The following RELN variants were observed in gnomAD, a reference collection of about 807,000 sequenced individuals.
The protein encoded by RELN is reelin.
RELN carries 108 observed loss-of-function variants against 427.6 expected under a neutral mutation model. The observed-to-expected ratio is 0.25, with a 90% CI of 0.22 to 0.30. The LOEUF is 0.30. RELN is among the 10% of genes least tolerant of loss of function. The probability of loss-of-function intolerance (pLI) is 1.00; values close to 1 mark genes in which losing one functional copy is unlikely to be tolerated. For synonymous variants in RELN, 1,524 were observed against 1,513.4 expected (o/e 1.01, Z -0.16); for missense variants, 3,715 against 4,302.8 (o/e 0.86, Z 3.82).
chr7:103,715,859 A>T (rs185189682), intron 8 of RELN, among the ~76,000 whole-genome samples: 1 of 152,310 alleles, frequency 6.6e-6, no homozygotes, highest in East Asian at 1.9e-4. Context: ...AAGGAAGAGA[A>T]ATGTGTCTGG....
intron 64 of RELN, among the ~76,000 whole-genome samples, chr7:103,476,948 T>G (rs1340536206): frequency 2.0e-5 from 3 of 152,218 alleles, no homozygotes; most frequent in African/African-American, 7.2e-5. Flanking sequence ...TTAAGTTCAA[T>G]AAAAGGAGGT....
intron 6 of RELN, among the ~76,000 whole-genome samples, chr7:103,747,420 A>C (rs1416378879): frequency 9.6e-6 from 1 of 103,998 alleles, no homozygotes; most frequent in African/African-American, 4.1e-5. Context: ...TAATAATAAT[A>C]AAATTAAAAA....
At chr7:103,869,774 T>A (rs1235138101) in intron 2 of RELN, among the ~76,000 whole-genome samples, 2 of 152,202 alleles carry the variant, frequency 1.3e-5, no homozygotes, top group African/African-American at 4.8e-5. Flanking sequence ...TTCTTGAATT[T>A]GCAAATTAAT....
At chr7:103,817,110 C>T (rs1281220235) in intron 3 of RELN, among the ~76,000 whole-genome samples, 1 of 152,144 alleles carries the variant, frequency 6.6e-6, no homozygotes, top group Non-Finnish European at 1.5e-5. Context: ...CTTTGGCCTC[C>T]CAAAGTGCTG....
At chr7:103,954,879 T>C (rs1315998850) in intron 1 of RELN, among the ~76,000 whole-genome samples, 2 of 152,332 alleles carry the variant, frequency 1.3e-5, no homozygotes, top group African/African-American at 4.8e-5. Context: ...GTGCTAATTT[T>C]TAAAAAACAG....
chr7:103,900,937 G>T (rs73403931), intron 2 of RELN, among the ~76,000 whole-genome samples: 1 of 151,428 alleles, frequency 6.6e-6, no homozygotes, highest in East Asian at 2.0e-4. Context: ...CATGGGCAAA[G>T]ATGTAAATAG....
chr7:103,622,485 G>C (rs1186767556), intron 20 of RELN, among the ~76,000 whole-genome samples: 1 of 152,076 alleles, frequency 6.6e-6, no homozygotes, highest in Admixed American at 6.6e-5. Context: ...TAAACATAAG[G>C]AAGATTACAT....
At position 103,640,618 on chromosome 7, in the gene RELN, G is replaced by A. The variant is rs538376608; in HGVS notation, c.2003-9C>T. 3 of 1,613,454 alleles carry A rather than the reference G, an allele frequency of 1.9e-6. No individual in the cohort carries two copies. The highest frequency in any genetic ancestry group is 2.5e-6 in the Non-Finnish European group (3 of 1,179,696). Reference sequence around the variant, plus strand: ...TGACGGGCCAATATAAACTGTGGGAGGGAAAAAGAGAACATAATTACAAAA... The same window carrying A: ...TGACGGGCCAATATAAACTGTGGGAAGGAAAAAGAGAACATAATTACAAAA... On this transcript the variant is annotated splice_polypyrimidine_tract_variant and intron_variant, in intron 16 of 64. Coordinates refer to ENST00000428762, the MANE Select transcript of RELN (RefSeq NM_005045.4). The surrounding 1 kb of genome is among the most constrained non-coding windows in gnomAD (Gnocchi z 4.1).
At chr7:103,926,119 T>TTTTTTG in intron 1 of RELN, among the ~76,000 whole-genome samples, 1 of 133,014 alleles carries the variant, frequency 7.5e-6, no homozygotes, top group Non-Finnish European at 1.7e-5. Flanking sequence ...TTTTTTTTTT[T>TTTTTTG]GAGATGGAGT....
intron 11 of RELN, among the ~76,000 whole-genome samples, chr7:103,680,212 G>A (rs1833623504): frequency 6.6e-6 from 1 of 151,956 alleles, no homozygotes; most frequent in East Asian, 1.9e-4. Context: ...AGAAGGAGAG[G>A]GAGGAGGGAG....
chr7:103,542,689 A>G (rs996917396), intron 43 of RELN, 42 bp downstream of exon 43: 2 of 1,609,126 alleles, frequency 1.2e-6, no homozygotes, highest in African/African-American at 2.7e-5. Context: ...GCTATTATAC[A>G]TTACGATGTG....
chr7:103,496,573 C>G lies in RELN; in HGVS notation c.9146G>C (p.Gly3049Ala). 1 of 1,614,150 alleles carries G rather than the reference C, an allele frequency of 6.2e-7. No homozygotes were observed. Among genetic ancestry groups the G allele is most frequent in the Non-Finnish European group, 8.5e-7 (1 of 1,180,014 alleles). ...TTGGCTGGGATTGATTTCTGCTCCA[C>G]CAATCAAAATGTTGTCCAGTGCCCA... ...AQWALDNILI[G>A]GAEINPSQLV... is the part of the protein sequence containing the mutation. Residue 3049 changes from glycine to alanine, a missense_variant, in exon 56 of 65, where the codon GGT becomes GCT. Physicochemically the swap from Gly to Ala is moderately conservative, Grantham distance 60 (BLOSUM62 0). This residue lies in a region of RELN where 1,310 missense variants were observed against 1,643.0 expected (regional missense o/e 0.80). Coordinates refer to ENST00000428762, the MANE Select transcript of RELN (RefSeq NM_005045.4).
intron 49 of RELN, among the ~76,000 whole-genome samples, chr7:103,518,912 T>A (rs1408606451): frequency 6.6e-6 from 1 of 152,190 alleles, no homozygotes; most frequent in Non-Finnish European, 1.5e-5. Flanking sequence ...TCTCTAGGCT[T>A]CTTAAGGATA....
At position 103,535,456 on chromosome 7, in the gene RELN, A is replaced by G; in HGVS notation, c.7209T>C (p.Leu2403=). The G allele has an allele frequency of 6.2e-7, 1 of 1,614,056 alleles. No individual in the cohort carries two copies. Among genetic ancestry groups the G allele is most frequent in the South Asian group, 1.1e-5 (1 of 91,076 alleles). ...YAIELEYSVD[L]GLSWHPLVRD... ...TTACCAATGGGTGCCATGACAATCCAAGATCTACTGAGTATTCCAATTCAA... is the reference window on the plus strand; with the variant it reads ...TTACCAATGGGTGCCATGACAATCCGAGATCTACTGAGTATTCCAATTCAA... The change falls in exon 46 of 65, where the codon CTT becomes CTC. Residue 2403 remains leucine, a synonymous_variant. Transcript: ENST00000428762.
At chr7:103,957,657 T>C (rs1274662598) in intron 1 of RELN, among the ~76,000 whole-genome samples, 1 of 152,144 alleles carries the variant, frequency 6.6e-6, no homozygotes, top group Non-Finnish European at 1.5e-5. Context: ...TCATCCCCCC[T>C]TGTGGCCCAA....
intron 2 of RELN, among the ~76,000 whole-genome samples, chr7:103,874,819 G>A (rs2116540143): frequency 6.7e-6 from 1 of 149,448 alleles, no homozygotes; most frequent in African/African-American, 2.4e-5. Context: ...TCCCCATCAA[G>A]CTACCAATGA....
chr7:103,561,880 C>T lies in RELN; in HGVS notation c.5284G>A (p.Val1762Ile), dbSNP rs79499902. The T allele has an allele frequency of 4.1e-3, 6,469 of 1,565,482 alleles. 48 individuals are homozygous for T. Among genetic ancestry groups the T allele is most frequent in the African/African-American group, 0.029 (2,062 of 72,026 alleles). Reference sequence around the variant, plus strand: ...CAAGGGCACCCTGAGGCCAGTACAACATTATCAATCGCCCAGGAATCAGCC... The same window carrying T: ...CAAGGGCACCCTGAGGCCAGTACAATATTATCAATCGCCCAGGAATCAGCC... Reference protein sequence around the residue: ...VGADSWAIDNVVLASGCPWMC... With the variant: ...VGADSWAIDNIVLASGCPWMC... Residue 1762 changes from valine to isoleucine, a missense_variant, in exon 35 of 65, where the codon GTT becomes ATT. By Grantham distance (29) the Val-to-Ile change is conservative. Transcript: ENST00000428762.
At chr7:103,925,405 T>A (rs894360084) in intron 1 of RELN, among the ~76,000 whole-genome samples, 24 of 152,102 alleles carry the variant, frequency 1.6e-4, no homozygotes, top group Non-Finnish European at 2.9e-4. Context: ...AACCCAAAAT[T>A]TTTTTCTTTA....
chr7:103,482,576 A>T lies in RELN; in HGVS notation c.10280+297T>A, dbSNP rs910614014. On this transcript the variant is annotated intron_variant, in intron 63 of 64. Transcript: ENST00000428762. ...AGGCAACCCAGATCTGCCTTAAGAC[A>T]TGGTTTCCCATTTACCTGGAGACTT... Among the ~76,000 whole-genome samples the T allele has an allele frequency of 2.0e-5, 3 of 152,328 alleles. 1 individual carries two copies. Among genetic ancestry groups the T allele is most frequent in the African/African-American group, 7.2e-5 (3 of 41,578 alleles).
Sources: allele counts gnomAD v4.1 joint callset (sites outside exome capture counted in the v4.1 genomes callset), GRCh38; gene constraint gnomAD v4.1.1; regional missense constraint gnomAD v4.1.1; non-coding constraint Gnocchi (gnomAD v3.1); transcripts MANE v1.5; gene names NCBI Gene and HGNC (gene_info 2026-07-23, HGNC 2026-07-21).